Variants in STPG4 observed in about 807,000 individuals in gnomAD.
The protein encoded by STPG4 is protein STPG4.
Under a neutral mutation model 31.5 loss-of-function variants are expected in STPG4, and 41 were observed. The observed-to-expected ratio is 1.30, with a 90% CI of 1.01 to 1.69. STPG4 has a LOEUF of 1.69. STPG4 is among the 40% of genes most tolerant of loss of function. STPG4 has a pLI of 0.00. For synonymous variants in STPG4, 141 were observed against 103.0 expected (o/e 1.37, Z -2.24); for missense variants, 375 against 293.4 (o/e 1.28, Z -2.03).
intron 5 of STPG4, among the ~76,000 whole-genome samples, chr2:47,113,657 G>A (rs905939569): frequency 6.6e-6 from 1 of 152,190 alleles, no homozygotes; most frequent in African/African-American, 2.4e-5. Flanking sequence ...GTATGCTCTT[G>A]ATTGCTGAAG....
chr2:47,151,302 C>A lies in STPG4; in HGVS notation c.355G>T (p.Asp119Tyr), dbSNP rs147631903. The A allele has an allele frequency of 1.7e-4, 267 of 1,614,174 alleles. No homozygotes were observed. The highest frequency in any genetic ancestry group is 2.2e-4 in the Non-Finnish European group (257 of 1,180,040). ...GTGCTGGGGCTTGGCCGTGGTTTGT[C>A]TTTGAATGAGTAAGTAGCCACTTGC... Reference protein sequence around the residue: ...KKQVATYSFKDKPRPSPSTLV... With the variant: ...KKQVATYSFKYKPRPSPSTLV... Residue 119 changes from aspartate to tyrosine, a missense_variant, in exon 3 of 7, where the codon GAC becomes TAC. Transcript: ENST00000445927.
intron 3 of STPG4, among the ~76,000 whole-genome samples, chr2:47,143,266 T>C (rs904536010): frequency 1.3e-5 from 2 of 152,222 alleles, no homozygotes; most frequent in African/African-American, 4.8e-5. Context: ...TTTGCACCAG[T>C]TTGTATTCAT....
chr2:47,148,665 T>A (rs1407823640), intron 3 of STPG4, among the ~76,000 whole-genome samples: 2 of 152,178 alleles, frequency 1.3e-5, no homozygotes, highest in African/African-American at 4.8e-5. Flanking sequence ...TATCTCCTAA[T>A]GCTATCCCTC....
In STPG4 at chr2:47,087,023, A is replaced by C; in HGVS notation, c.732T>G (p.Asn244Lys). ...CAAGATCACTTTATTTTAAAAGCCA[A>C]TTGTTGTTGTTGAAGAAAAGGCTAT... ...QEHSLFFNNN[N>K]WLLK Residue 244 changes from asparagine to lysine, a missense_variant, in exon 7 of 7, where the codon AAT becomes AAG. Coordinates refer to ENST00000445927, the MANE Select transcript of STPG4 (RefSeq NM_001163561.2). 2.6e-6 allele frequency: 4 copies of C among 1,551,670 alleles called. No individual in the cohort carries two copies. In the South Asian group the frequency reaches 3.6e-5, roughly 14 times the overall value.
chr2:47,118,291 C>T (rs6729427), intron 5 of STPG4, among the ~76,000 whole-genome samples: 20,362 of 152,024 alleles, frequency 0.13, 1,548 homozygotes, highest in African/African-American at 0.18. Context: ...TATTGTGAAC[C>T]GCACATGCAA....
intron 5 of STPG4, among the ~76,000 whole-genome samples, chr2:47,097,953 T>TAAA (rs35729993): frequency 7.7e-6 from 1 of 130,082 alleles, no homozygotes; most frequent in Non-Finnish European, 1.7e-5. Context: ...CCCCATCTCT[T>TAAA]AAAAAAAAAA....
intron 5 of STPG4, among the ~76,000 whole-genome samples, chr2:47,106,301 G>C (rs1685908768): frequency 6.6e-6 from 1 of 151,790 alleles, no homozygotes; most frequent in African/African-American, 2.4e-5. Flanking sequence ...GTCTTTCTAA[G>C]TCCCAACATT....
At chr2:47,087,654 C>T (rs1685482846) in intron 6 of STPG4, among the ~76,000 whole-genome samples, 1 of 152,158 alleles carries the variant, frequency 6.6e-6, no homozygotes, top group Non-Finnish European at 1.5e-5. Flanking sequence ...GGTCCATGGA[C>T]CCCAGGGTCA....
At chr2:47,107,639 C>T (rs922717709) in intron 5 of STPG4, among the ~76,000 whole-genome samples, 2 of 152,102 alleles carry the variant, frequency 1.3e-5, no homozygotes, top group African/African-American at 2.4e-5. Context: ...CCAGTCCCAT[C>T]GACACCCAAG....
chr2:47,122,368 C>G (rs1411721996), intron 5 of STPG4, among the ~76,000 whole-genome samples: 1 of 151,896 alleles, frequency 6.6e-6, no homozygotes, highest in Non-Finnish European at 1.5e-5. Flanking sequence ...ATTTATTTTC[C>G]TTTGAAATTT....
intron 6 of STPG4, among the ~76,000 whole-genome samples, chr2:47,088,823 A>T (rs943713413): frequency 5.3e-5 from 8 of 152,168 alleles, no homozygotes; most frequent in Non-Finnish European, 5.9e-5. Context: ...TCCTAGCCAA[A>T]CGTCAAAGGA....
Position 47,093,278 on chromosome 2 carries a change from C to T in STPG4, c.520-2904G>A, listed in dbSNP as rs1157859748. Among the ~76,000 whole-genome samples the T allele has an allele frequency of 4.6e-5, 7 of 152,298 alleles. No individual in the cohort carries two copies. The East Asian group carries it at 1.2e-3, about 25-fold the overall frequency. On this transcript the variant is annotated intron_variant, in intron 5 of 6. Transcript: ENST00000445927. The stretch of plus-strand genomic sequence containing the variant: ...ACAACTCATGGCAGAGAGATGAAAA[C>T]AGTCATGTTTTCAAACTGATGTATA...
chr2:47,140,968 C>T (rs1686690118), intron 3 of STPG4, among the ~76,000 whole-genome samples: 1 of 150,256 alleles, frequency 6.7e-6, no homozygotes, highest in Non-Finnish European at 1.5e-5. Flanking sequence ...CTCACTGCAC[C>T]CTCCACCTTC....
chr2:47,109,948 TCTGTACAG>T (rs1558675999), intron 5 of STPG4, among the ~76,000 whole-genome samples: 1 of 151,904 alleles, frequency 6.6e-6, no homozygotes. Context: ...ACCATTTGTA[TCTGTACAG>T]ACTCCTGGTT....
chr2:47,105,312 C>A lies in STPG4; in HGVS notation c.520-14938G>T, dbSNP rs1291951709. On this transcript the variant is annotated intron_variant, in intron 5 of 6. Coordinates refer to ENST00000445927, the MANE Select transcript of STPG4 (RefSeq NM_001163561.2). ...TAAGGGTAGTTGCAGCAGTGGCCGTCTTAGTGTCAGAGGCTATCAAAATAA... is the reference window on the plus strand; with the variant it reads ...TAAGGGTAGTTGCAGCAGTGGCCGTATTAGTGTCAGAGGCTATCAAAATAA... Among the ~76,000 whole-genome samples, 6 of 151,950 alleles carry A rather than the reference C, an allele frequency of 3.9e-5. 1 individual carries two copies. The highest frequency in any genetic ancestry group is 1.5e-4 in the African/African-American group (6 of 41,236).
rs78612328 is a variant in STPG4, at chr2:47,126,240, T to G, written c.519+3701A>C. Reference sequence around the variant, plus strand: ...GGTTCCACGTTAAGTTTTAGGGTTCTTTCTTCTTTCTTTCCTTCCTCTTCT... The same window carrying G: ...GGTTCCACGTTAAGTTTTAGGGTTCGTTCTTCTTTCTTTCCTTCCTCTTCT... On this transcript the variant is annotated intron_variant, in intron 5 of 6. Coordinates refer to ENST00000445927, the MANE Select transcript of STPG4 (RefSeq NM_001163561.2). Among the ~76,000 whole-genome samples the G allele has an allele frequency of 9.9e-4, 151 of 152,290 alleles. 2 individuals carry two copies. The East Asian group carries it at 0.026, about 27-fold the overall frequency.
In STPG4 at chr2:47,119,985, C is replaced by T. The variant is rs1341306812; in HGVS notation, c.519+9956G>A. Among the ~76,000 whole-genome samples, 4 of 152,146 alleles carry T rather than the reference C, an allele frequency of 2.6e-5. No individual in the cohort carries two copies. In the East Asian group the frequency reaches 5.8e-4, roughly 22 times the overall value. On this transcript the variant is annotated intron_variant, in intron 5 of 6. Coordinates refer to ENST00000445927, the MANE Select transcript of STPG4 (RefSeq NM_001163561.2). ...ACCAAGGGCTTACAGGTCATAGGTA[C>T]ATTTAAAGATTTTCTGATTTGCAGT...
intron 3 of STPG4, among the ~76,000 whole-genome samples, chr2:47,146,670 GC>G (rs1686826822): frequency 6.6e-6 from 1 of 152,172 alleles, no homozygotes; most frequent in South Asian, 2.1e-4. Flanking sequence ...GGTGTTCATA[GC>G]CTTGAGTGAG....
intron 5 of STPG4, among the ~76,000 whole-genome samples, chr2:47,093,033 TG>T (rs528303499): frequency 1.3e-5 from 2 of 152,156 alleles, no homozygotes; most frequent in Non-Finnish European, 2.9e-5. Context: ...CCTCATGATC[TG>T]CCCGCCTCAG....
Sources: gnomAD v4.1 joint callset for allele counts (sites outside exome capture counted in the v4.1 genomes callset) on GRCh38, gnomAD v4.1.1 for gene constraint, MANE v1.5 for transcripts, NCBI Gene and HGNC (gene_info 2026-07-23, HGNC 2026-07-21) for gene names.